Variants in AHRR observed in about 807,000 individuals in gnomAD.
AHRR encodes ahR repressor.
Under a neutral mutation model 44.0 loss-of-function variants are expected in AHRR, and 28 were observed. That is an observed-to-expected ratio of 0.64 (90% confidence interval 0.47 to 0.87). AHRR has a LOEUF of 0.87. Among genes scored for constraint, AHRR ranks in the 40% least tolerant of loss-of-function variants. AHRR has a pLI of 0.00. For missense variants in AHRR, 990 were observed against 953.9 expected, an observed-to-expected ratio of 1.04 and a Z score of -0.50; for synonymous variants, 434 against 407.0, an observed-to-expected ratio of 1.07 and a Z score of -0.80.
chr5:347,051 G>A (rs1742704088), intron 2 of AHRR, among the ~76,000 whole-genome samples: 1 of 152,202 alleles, frequency 6.6e-6, no homozygotes, highest in Non-Finnish European at 1.5e-5. Context: ...AAACCTCCCA[G>A]CATTAGGGTT....
intron 4 of AHRR, among the ~76,000 whole-genome samples, chr5:400,059 G>T (rs1007935852): frequency 2.0e-5 from 3 of 151,992 alleles, no homozygotes; most frequent in Non-Finnish European, 4.4e-5. Flanking sequence ...GTGCCCGCTC[G>T]CGTGACTAGC....
rs1445148179 is a variant in AHRR at position 405,822 on chromosome 5, G to C, written c.352-7522G>C. Among the ~76,000 whole-genome samples, 1 of 152,174 alleles carries C rather than the reference G, an allele frequency of 6.6e-6. No homozygotes were observed. Among genetic ancestry groups the C allele is most frequent in the Non-Finnish European group, 1.5e-5 (1 of 68,032 alleles). On this transcript the variant is annotated intron_variant, in intron 4 of 10. Coordinates refer to ENST00000684583, the MANE Select transcript of AHRR (RefSeq NM_001377236.1). The surrounding 1 kb of genome is among the most constrained non-coding windows in gnomAD (Gnocchi z 4.5). The stretch of plus-strand genomic sequence containing the variant: ...CACGGCACGTGTGACTTTTCTTTTT[G>C]GATACTTTACTGATTGAAAAATATG...
Position 415,406 on chromosome 5 carries a change from CGGGTGGGA to C in AHRR, c.441+1976_441+1983del, listed in dbSNP as rs1560915895. Among the ~76,000 whole-genome samples, 21 of 73,830 alleles carry C rather than the reference CGGGTGGGA, an allele frequency of 2.8e-4. 1 individual carries two copies. Among genetic ancestry groups the C allele is most frequent in the African/African-American group, 9.3e-4 (19 of 20,460 alleles). 48.4% of individuals were successfully genotyped at this position (73,830 alleles called of 152,430 possible). ...GGCCTAGGGGCCGAGTCTGCCTGGT[CGGGTGGGA>C]GGCCTAGGGGCCGAATCTGCCTGGT... On this transcript the variant is annotated intron_variant, in intron 5 of 10. Coordinates refer to ENST00000684583, the MANE Select transcript of AHRR (RefSeq NM_001377236.1).
intron 4 of AHRR, among the ~76,000 whole-genome samples, chr5:410,281 C>T (rs907640412): frequency 1.1e-4 from 17 of 152,194 alleles, no homozygotes; most frequent in Admixed American, 3.3e-4. Flanking sequence ...ACTACAGCCT[C>T]GATTTCCCAG....
chr5:380,971 G>A (rs945270537), intron 4 of AHRR, among the ~76,000 whole-genome samples: 2 of 152,254 alleles, frequency 1.3e-5, no homozygotes, highest in African/African-American at 4.8e-5. Flanking sequence ...CCAAAGGCCT[G>A]AGAGCCCCCA....
intron 5 of AHRR, among the ~76,000 whole-genome samples, chr5:421,778 C>A (rs797020448): frequency 6.6e-6 from 1 of 152,204 alleles, no homozygotes; most frequent in African/African-American, 2.4e-5. Context: ...TCATCTTGTT[C>A]GGGGAGCCCC....
chr5:387,338 C>T lies in AHRR; in HGVS notation c.351+10622C>T, dbSNP rs1020514383. On this transcript the variant is annotated intron_variant, in intron 4 of 10. Coordinates refer to ENST00000684583, the MANE Select transcript of AHRR (RefSeq NM_001377236.1). This position sits in a 1 kb window ranked among gnomAD's most constrained non-coding sequence, Gnocchi z 5.1. ...TTCTCTTGGGGTCATAGCTGCCATT[C>T]CTGCTGCATGGTTCTGTGCAAACAG... is the stretch of plus-strand genomic sequence containing the variant. Among the ~76,000 whole-genome samples the T allele has an allele frequency of 2.0e-5, 3 of 152,236 alleles. No individual in the cohort carries two copies. Among genetic ancestry groups the T allele is most frequent in the African/African-American group, 7.2e-5 (3 of 41,462 alleles).
At chr5:341,498 C>T (rs1397067932) in intron 1 of AHRR, among the ~76,000 whole-genome samples, 6 of 147,288 alleles carry the variant, frequency 4.1e-5, no homozygotes, top group South Asian at 2.2e-4. Context: ...CCCTCCCCTC[C>T]CCTCCCCTCC....
chr5:378,185 C>G (rs566653295), intron 4 of AHRR, among the ~76,000 whole-genome samples: 56 of 152,300 alleles, frequency 3.7e-4, no homozygotes, highest in African/African-American at 1.3e-3. Flanking sequence ...GCAAAATAAG[C>G]AAAGCAAGCA....
At chr5:396,439 G>A (rs922213437) in intron 4 of AHRR, among the ~76,000 whole-genome samples, 11 of 152,152 alleles carry the variant, frequency 7.2e-5, no homozygotes, top group Non-Finnish European at 1.0e-4. Context: ...GGCATACGCC[G>A]GCCACCGTGG....
chr5:360,719 A>G (rs1042191522), intron 3 of AHRR, among the ~76,000 whole-genome samples: 5 of 152,238 alleles, frequency 3.3e-5, no homozygotes, highest in African/African-American at 9.6e-5. Context: ...GATTCTTGTT[A>G]TAAAGTGGCA....
At chr5:335,343 C>T (rs938390071) in intron 1 of AHRR, among the ~76,000 whole-genome samples, 6 of 152,080 alleles carry the variant, frequency 3.9e-5, no homozygotes, top group South Asian at 2.1e-4. Flanking sequence ...TGGTTGCAAT[C>T]GGCTGTGCTG....
At chr5:426,533 G>A (rs370109642) in intron 7 of AHRR, among the ~76,000 whole-genome samples, 8 of 150,672 alleles carry the variant, frequency 5.3e-5, no homozygotes, top group South Asian at 2.1e-4. Flanking sequence ...GGAAGATGAC[G>A]GATGGATAGA....
intron 4 of AHRR, among the ~76,000 whole-genome samples, chr5:397,374 G>GT (rs1734771884): frequency 8.7e-6 from 1 of 115,268 alleles, no homozygotes; most frequent in African/African-American, 3.0e-5. Flanking sequence ...GACCATCCAC[G>GT]TAGCCCCTGA....
intron 4 of AHRR, among the ~76,000 whole-genome samples, chr5:409,508 G>T (rs1735388709): frequency 6.6e-6 from 1 of 152,204 alleles, no homozygotes; most frequent in African/African-American, 2.4e-5. Flanking sequence ...CGGCCACCCT[G>T]GAGTGTGGAG....
intron 3 of AHRR, among the ~76,000 whole-genome samples, chr5:362,342 C>T (rs1743212166): frequency 6.6e-6 from 1 of 152,234 alleles, no homozygotes; most frequent in Admixed American, 6.5e-5. Context: ...CATTTTGTTA[C>T]AGCAGCCCTA....
In AHRR at chr5:434,017, T is replaced by C; in HGVS notation, c.1277T>C (p.Leu426Pro). Residue 426 changes from leucine to proline, a missense_variant, in exon 11 of 11, where the codon CTG becomes CCG. Coordinates refer to ENST00000684583, the MANE Select transcript of AHRR (RefSeq NM_001377236.1). The stretch of plus-strand genomic sequence containing the variant: ...CCCAGCAAGAATGACCCGCCCTCCC[T>C]GCGCCCCATGCCCCGCGGCTCCTGC... ...LQPSKNDPPS[L>P]RPMPRGSCLP... 1 of 1,589,044 alleles carries C rather than the reference T, an allele frequency of 6.3e-7. No individual in the cohort carries two copies. Among genetic ancestry groups the C allele is most frequent in the Admixed American group, 1.8e-5 (1 of 56,668 alleles).
Position 435,124 on chromosome 5 carries a change from G to A in AHRR, c.*290G>A. ...TTAGGAAAGTGATCATGGCTGGACA[G>A]CTTCATGCCCCAGAGGCAGCGAGCA... On this transcript the variant is annotated 3_prime_UTR_variant, in exon 11 of 11. Transcript: ENST00000684583. 1 of 408,204 alleles carries A rather than the reference G, an allele frequency of 2.4e-6. No individual in the cohort carries two copies. Among genetic ancestry groups the A allele is most frequent in the Admixed American group, 4.1e-5 (1 of 24,456 alleles). 25.3% of individuals were successfully genotyped at this position (408,204 alleles called of 1,614,324 possible). A position where few individuals can be genotyped will look rare whatever the true frequency, so the allele number is the denominator to read the frequency against.
rs538326131 is a variant in AHRR at position 376,148 on chromosome 5, TG to T, written c.245-460del. Among the ~76,000 whole-genome samples the T allele has an allele frequency of 6.2e-4, 68 of 109,378 alleles. 1 individual carries two copies. The highest frequency in any genetic ancestry group is 3.9e-3 in the African/African-American group (67 of 17,166). The allele number at this position is 109,378 out of a possible 152,430, so 71.8% of individuals were successfully genotyped here. On this transcript the variant is annotated intron_variant, in intron 3 of 10. Transcript: ENST00000684583. The stretch of plus-strand genomic sequence containing the variant: ...AGACCCAGGTGGACGCAGGGGACCT[TG>T]GCCCAGCCCTCAAAGGGGTGCAGCC...
Sources: gnomAD v4.1 joint callset for allele counts (sites outside exome capture counted in the v4.1 genomes callset) on GRCh38, gnomAD v4.1.1 for gene constraint, Gnocchi (gnomAD v3.1) non-coding constraint, MANE v1.5 for transcripts, NCBI Gene and HGNC (gene_info 2026-07-23, HGNC 2026-07-21) for gene names.